Variants in BARX2 observed in about 807,000 individuals in gnomAD.
BARX2 encodes the protein BARX homeobox 2, also known as homeobox protein BarH-like 2.
A neutral mutation model predicts 25.5 loss-of-function variants in BARX2; 11 were observed. That is an observed-to-expected ratio of 0.43 (90% CI 0.27 to 0.71). BARX2 has a LOEUF of 0.71. Among genes scored for constraint, BARX2 ranks in the 30% least tolerant of loss-of-function variants. BARX2 has a pLI of 0.19. For missense variants in BARX2, 360 were observed against 359.9 expected, an observed-to-expected ratio of 1.00 and a Z score of 0.00; for synonymous variants, 137 against 149.5, an observed-to-expected ratio of 0.92 and a Z score of 0.61.
intron 1 of BARX2, among the ~76,000 whole-genome samples, chr11:129,419,054 C>T (rs1034498450): frequency 6.6e-6 from 1 of 152,158 alleles, no homozygotes; most frequent in African/African-American, 2.4e-5. Flanking sequence ...GGTGAACAGG[C>T]GTGCCTACAT....
At chr11:129,423,816 T>G (rs1304006586) in intron 1 of BARX2, among the ~76,000 whole-genome samples, 1 of 152,002 alleles carries the variant, frequency 6.6e-6, no homozygotes, top group Non-Finnish European at 1.5e-5. Flanking sequence ...GAAGATGTAC[T>G]CCAAGGTCCA....
At chr11:129,438,816 A>G (rs1222585112) in intron 2 of BARX2, among the ~76,000 whole-genome samples, 3 of 152,220 alleles carry the variant, frequency 2.0e-5, no homozygotes, top group Admixed American at 6.5e-5. Flanking sequence ...TGAGTGCAGT[A>G]GGAACACAGG....
chr11:129,408,962 GC>G (rs973223143), intron 1 of BARX2, among the ~76,000 whole-genome samples: 2 of 152,060 alleles, frequency 1.3e-5, no homozygotes, highest in African/African-American at 4.8e-5. Flanking sequence ...TAAGAGATGG[GC>G]TGTGACCTTT....
chr11:129,398,204 A>C (rs917095442), intron 1 of BARX2, among the ~76,000 whole-genome samples: 3 of 152,196 alleles, frequency 2.0e-5, no homozygotes, highest in African/African-American at 7.2e-5. Context: ...CTGTTGCTCC[A>C]TACGTTTATA....
chr11:129,431,943 A>G (rs912392860), intron 1 of BARX2, among the ~76,000 whole-genome samples: 7 of 151,648 alleles, frequency 4.6e-5, no homozygotes, highest in African/African-American at 1.7e-4. Flanking sequence ...TTTTGAGTGA[A>G]TTTTTAAAAT....
intron 1 of BARX2, among the ~76,000 whole-genome samples, chr11:129,378,732 T>G (rs1023923323): frequency 5.3e-5 from 8 of 151,446 alleles, no homozygotes; most frequent in African/African-American, 1.9e-4. Context: ...AGAAGTGAAC[T>G]GTGTCAGGTA....
At chr11:129,447,750 T>C (rs1307727223) in intron 3 of BARX2, among the ~76,000 whole-genome samples, 4 of 152,204 alleles carry the variant, frequency 2.6e-5, no homozygotes. Flanking sequence ...CTCTAATTGC[T>C]GGGCTGGACT....
intron 1 of BARX2, among the ~76,000 whole-genome samples, chr11:129,423,241 C>A (rs1473347352): frequency 6.6e-6 from 1 of 151,780 alleles, no homozygotes; most frequent in Non-Finnish European, 1.5e-5. Context: ...CTCAGGCTCC[C>A]GAGTAGCTGG....
At chr11:129,421,260 T>C (rs1862001439) in intron 1 of BARX2, among the ~76,000 whole-genome samples, 1 of 152,220 alleles carries the variant, frequency 6.6e-6, no homozygotes, top group African/African-American at 2.4e-5. Flanking sequence ...TAAATATTGA[T>C]GTCTCATGTA....
In BARX2 at chr11:129,376,230, G is replaced by T. The variant is rs774342349; in HGVS notation, c.187+8G>T. On this transcript the variant is annotated splice_region_variant and intron_variant, in intron 1 of 3. Transcript: ENST00000281437. This position sits in a 1 kb window ranked among gnomAD's most constrained non-coding sequence, Gnocchi z 4.2. The stretch of plus-strand genomic sequence containing the variant: ...CCCTGCATTCCTGTACGGGTAAGAC[G>T]CTCCGCTAGGGGATAAGTGGGGTTC... 6.3e-7 allele frequency: 1 copy of T among 1,594,098 alleles called. No homozygotes were observed. The highest frequency in any genetic ancestry group is 2.4e-5 in the East Asian group (1 of 42,258).
chr11:129,420,396 G>C (rs1489029922), intron 1 of BARX2, among the ~76,000 whole-genome samples: 1 of 152,220 alleles, frequency 6.6e-6, no homozygotes, highest in Admixed American at 6.5e-5. Flanking sequence ...GATGTGAACA[G>C]AACACTCGTT....
intron 1 of BARX2, among the ~76,000 whole-genome samples, chr11:129,431,001 A>G (rs778949956): frequency 3.9e-5 from 6 of 152,170 alleles, no homozygotes; most frequent in Non-Finnish European, 8.8e-5. Flanking sequence ...AGCTCGTATT[A>G]TAAGCACGCA....
intron 2 of BARX2, 81 bp downstream of exon 2, chr11:129,437,132 A>G: frequency 7.2e-7 from 1 of 1,389,928 alleles, no homozygotes; most frequent in South Asian, 1.5e-5. Flanking sequence ...CCGTGGAGCC[A>G]CAGCACTGGT....
intron 1 of BARX2, among the ~76,000 whole-genome samples, chr11:129,398,752 A>T (rs919508720): frequency 6.6e-6 from 1 of 152,218 alleles, no homozygotes; most frequent in East Asian, 1.9e-4. Context: ...GAGGTCAGGA[A>T]ATGTGTTAGC....
intron 1 of BARX2, among the ~76,000 whole-genome samples, chr11:129,426,338 C>G (rs1862062322): frequency 6.6e-6 from 1 of 151,974 alleles, no homozygotes; most frequent in Admixed American, 6.6e-5. Context: ...AAGTAACTTA[C>G]TTTAACCACC....
chr11:129,383,924 A>C (rs1196924097), intron 1 of BARX2, among the ~76,000 whole-genome samples: 1 of 152,056 alleles, frequency 6.6e-6, no homozygotes, highest in Non-Finnish European at 1.5e-5. Context: ...CTGAGGCTGG[A>C]GTGTAATGGT....
At chr11:129,398,880 A>G (rs1475184125) in intron 1 of BARX2, among the ~76,000 whole-genome samples, 1 of 152,236 alleles carries the variant, frequency 6.6e-6, no homozygotes, top group Non-Finnish European at 1.5e-5. Flanking sequence ...CAGTGAGAGA[A>G]GGGATCTACG....
intron 1 of BARX2, among the ~76,000 whole-genome samples, chr11:129,399,409 A>G (rs553707853): frequency 6.6e-6 from 1 of 152,170 alleles, no homozygotes; most frequent in African/African-American, 2.4e-5. Context: ...CTCTTTTTAA[A>G]CAAGATGAGG....
chr11:129,395,496 G>A (rs561971922), intron 1 of BARX2, among the ~76,000 whole-genome samples: 2 of 152,284 alleles, frequency 1.3e-5, no homozygotes, highest in African/African-American at 4.8e-5. Context: ...GATTGAGTTA[G>A]TGGGCCGTGA....
Sources: allele counts gnomAD v4.1 joint callset (sites outside exome capture counted in the v4.1 genomes callset), GRCh38; gene constraint gnomAD v4.1.1; non-coding constraint Gnocchi (gnomAD v3.1); transcripts MANE v1.5; gene names NCBI Gene and HGNC (gene_info 2026-07-23, HGNC 2026-07-21).